The following ADAM12 variants were observed in gnomAD, a reference collection of about 807,000 sequenced individuals.
The protein encoded by ADAM12 is ADAM metallopeptidase domain 12.
In ADAM12, 70 loss-of-function variants were observed where a neutral mutation model predicts 106.4. The ratio of observed to expected loss-of-function variants is 0.66; its 90% CI spans 0.54 to 0.80. The LOEUF (loss-of-function observed/expected upper bound fraction) is 0.80. ADAM12 is among the 30% of genes least tolerant of loss of function. The pLI is 0.00. For synonymous variants in ADAM12, 420 were observed against 433.5 expected (o/e 0.97, Z 0.39); for missense variants, 1,010 against 1,171.9 (o/e 0.86, Z 2.02).
intron 2 of ADAM12, among the ~76,000 whole-genome samples, chr10:126,329,899 C>T (rs993468871): frequency 1.1e-3 from 165 of 152,228 alleles, no homozygotes; most frequent in African/African-American, 3.7e-3. Flanking sequence ...GCAGATAAAA[C>T]GCACCAAGAT....
intron 3 of ADAM12, among the ~76,000 whole-genome samples, chr10:126,178,408 CTTTTTTT>C (rs10549268): frequency 0.026 from 2,740 of 103,970 alleles, 67 homozygotes; most frequent in African/African-American, 0.071. Flanking sequence ...TGGAGGACAT[CTTTTTTT>C]TTTTTTTTTT....
chr10:126,034,887 A>G (rs1590313169), intron 21 of ADAM12, among the ~76,000 whole-genome samples: 1 of 152,188 alleles, frequency 6.6e-6, no homozygotes, highest in South Asian at 2.1e-4. Flanking sequence ...TTTTAGAACA[A>G]AGATTACCAG....
chr10:126,269,827 C>T (rs998061217), intron 3 of ADAM12, among the ~76,000 whole-genome samples: 3 of 152,200 alleles, frequency 2.0e-5, no homozygotes, highest in African/African-American at 7.2e-5. Flanking sequence ...AAAGAGTTCA[C>T]TCAAGGACGC....
At chr10:126,386,348 C>T (rs943224894) in intron 1 of ADAM12, among the ~76,000 whole-genome samples, 2 of 152,166 alleles carry the variant, frequency 1.3e-5, no homozygotes, top group African/African-American at 4.8e-5. Flanking sequence ...GTAATTCCTC[C>T]TTTTCTCTTG....
chr10:126,342,429 G>A (rs11244961), intron 1 of ADAM12, among the ~76,000 whole-genome samples: 1 of 152,252 alleles, frequency 6.6e-6, no homozygotes, highest in East Asian at 1.9e-4. Context: ...TATTCAATTT[G>A]ACAGATATTT....
intron 1 of ADAM12, among the ~76,000 whole-genome samples, chr10:126,343,375 T>G (rs962398796): frequency 2.6e-5 from 4 of 152,328 alleles, no homozygotes; most frequent in African/African-American, 9.6e-5. Flanking sequence ...TTTTTATGGC[T>G]GCATAGTATT....
intron 4 of ADAM12, among the ~76,000 whole-genome samples, chr10:126,143,177 T>C (rs1956550345): frequency 6.6e-6 from 1 of 151,530 alleles, no homozygotes; most frequent in African/African-American, 2.4e-5. Context: ...TATGTATGTG[T>C]GTATATGGTA....
At chr10:126,089,426 C>T (rs2133552434) in intron 11 of ADAM12, among the ~76,000 whole-genome samples, 1 of 152,318 alleles carries the variant, frequency 6.6e-6, no homozygotes, top group South Asian at 2.1e-4. Flanking sequence ...CAGAACTAAA[C>T]TAGAATTCAC....
At chr10:126,077,543 G>A (rs1216212925) in intron 11 of ADAM12, among the ~76,000 whole-genome samples, 1 of 152,066 alleles carries the variant, frequency 6.6e-6, no homozygotes, top group Non-Finnish European at 1.5e-5. Flanking sequence ...TACAAAAACA[G>A]ACACATAGAC....
At chr10:126,097,260 C>G (rs1052390937) in intron 10 of ADAM12, among the ~76,000 whole-genome samples, 23 of 152,256 alleles carry the variant, frequency 1.5e-4, no homozygotes, top group Admixed American at 7.8e-4. Flanking sequence ...ATCACAAAAA[C>G]CAAACTTGCC....
At chr10:126,280,273 A>G (rs1211589671) in intron 2 of ADAM12, among the ~76,000 whole-genome samples, 1 of 152,178 alleles carries the variant, frequency 6.6e-6, no homozygotes, top group Non-Finnish European at 1.5e-5. Flanking sequence ...AAGGCCATAT[A>G]ACTGGGGTAG....
chr10:126,250,801 A>T (rs1958731139), intron 3 of ADAM12, among the ~76,000 whole-genome samples: 1 of 152,258 alleles, frequency 6.6e-6, no homozygotes, highest in African/African-American at 2.4e-5. Context: ...CAGGATATTG[A>T]CACTGATACA....
chr10:126,316,408 C>T (rs1240526563), intron 2 of ADAM12, among the ~76,000 whole-genome samples: 1 of 152,180 alleles, frequency 6.6e-6, no homozygotes, highest in Non-Finnish European at 1.5e-5. Flanking sequence ...GATAATTCCA[C>T]CCAATAGTAT....
intron 2 of ADAM12, among the ~76,000 whole-genome samples, chr10:126,317,687 T>C (rs1853933037): frequency 6.6e-6 from 1 of 152,204 alleles, no homozygotes; most frequent in Non-Finnish European, 1.5e-5. Context: ...TTATTGAACA[T>C]AGCTATTTTA....
Position 126,100,076 on chromosome 10 carries a change from C to T in ADAM12, c.911+996G>A, listed in dbSNP as rs1236094776. Reference sequence around the variant, plus strand: ...TTAGTTTATCATCTTCCAGTTGATCCTGCTGAAATTGTCCTCTTTATTGTT... The same window carrying T: ...TTAGTTTATCATCTTCCAGTTGATCTTGCTGAAATTGTCCTCTTTATTGTT... On this transcript the variant is annotated intron_variant, in intron 9 of 22. Coordinates refer to ENST00000448723, the MANE Select transcript of ADAM12 (RefSeq NM_001288973.2). Among the ~76,000 whole-genome samples the T allele has an allele frequency of 2.6e-5, 4 of 151,802 alleles. No homozygotes were observed. In the East Asian group the frequency reaches 5.8e-4, roughly 22 times the overall value.
In ADAM12 at chr10:126,098,399, C is replaced by T. The variant is rs746255784; in HGVS notation, c.996+17G>A. 2.5e-6 allele frequency: 4 copies of T among 1,607,486 alleles called. No homozygotes were observed. Among genetic ancestry groups the T allele is most frequent in the East Asian group, 4.5e-5 (2 of 44,858 alleles). On this transcript the variant is annotated intron_variant, in intron 10 of 22. Coordinates refer to ENST00000448723, the MANE Select transcript of ADAM12 (RefSeq NM_001288973.2). ...ATCATTATCAAGGGGAACCAGCTCC[C>T]AATGCCCTTGGCTTACCATGACAAT... is the stretch of plus-strand genomic sequence containing the variant.
At chr10:126,223,006 C>A (rs1313913841) in intron 3 of ADAM12, among the ~76,000 whole-genome samples, 3 of 152,206 alleles carry the variant, frequency 2.0e-5, no homozygotes, top group African/African-American at 7.2e-5. Context: ...ACTAATTGTT[C>A]CTGCGTTCTT....
At chr10:126,033,779 C>T (rs567775299) in intron 21 of ADAM12, among the ~76,000 whole-genome samples, 148 of 152,270 alleles carry the variant, frequency 9.7e-4, no homozygotes, top group Middle Eastern at 3.4e-3. Flanking sequence ...TAGTGGATTT[C>T]TCATCACCAT....
chr10:126,152,156 A>G (rs1046535764), intron 4 of ADAM12, among the ~76,000 whole-genome samples: 7 of 152,114 alleles, frequency 4.6e-5, no homozygotes, highest in Admixed American at 3.9e-4. Context: ...AAGCTTATCA[A>G]TTTTACATCT....
Sources: allele counts gnomAD v4.1 joint callset (sites outside exome capture counted in the v4.1 genomes callset), GRCh38; gene constraint gnomAD v4.1.1; transcripts MANE v1.5; gene names NCBI Gene and HGNC (gene_info 2026-07-23, HGNC 2026-07-21).